The following MSI2 variants were observed in gnomAD, a reference collection of about 807,000 sequenced individuals.
MSI2 encodes the protein RNA-binding protein Musashi homolog 2.
In MSI2, 17 loss-of-function variants were observed where a neutral mutation model predicts 45.6. The ratio of observed to expected loss-of-function variants is 0.37; its 90% CI spans 0.26 to 0.56. The LOEUF (loss-of-function observed/expected upper bound fraction) is 0.56. Ranked by LOEUF, MSI2 falls within the 20% of genes least tolerant of loss-of-function variation. The probability of loss-of-function intolerance (pLI) is 0.77; values close to 1 mark genes in which losing one functional copy is unlikely to be tolerated. For missense variants in MSI2, 293 were observed against 444.2 expected (o/e 0.66, Z 3.06); for synonymous variants, 156 against 158.2 (o/e 0.99, Z 0.11).
intron 6 of MSI2, among the ~76,000 whole-genome samples, chr17:57,443,002 C>T (rs566021852): frequency 6.6e-6 from 1 of 152,314 alleles, no homozygotes; most frequent in African/African-American, 2.4e-5. Context: ...ACCTTCCCTG[C>T]TCTGAGGAAA....
At chr17:57,299,993 C>T (rs1408256621) in intron 5 of MSI2, among the ~76,000 whole-genome samples, 1 of 152,194 alleles carries the variant, frequency 6.6e-6, no homozygotes, top group Non-Finnish European at 1.5e-5. Flanking sequence ...CAGGGAGACC[C>T]TGGCTTCTGG....
intron 5 of MSI2, among the ~76,000 whole-genome samples, chr17:57,374,012 CTACT>C (rs2083457635): frequency 6.6e-6 from 1 of 152,156 alleles, no homozygotes; most frequent in African/African-American, 2.4e-5. Context: ...TTTACCATGT[CTACT>C]TAGTAAACAG....
At chr17:57,504,659 A>C (rs1377137133) in intron 6 of MSI2, among the ~76,000 whole-genome samples, 1 of 152,206 alleles carries the variant, frequency 6.6e-6, no homozygotes, top group Admixed American at 6.5e-5. Flanking sequence ...GGCTGGGCGC[A>C]GTGGCTCACG....
intron 6 of MSI2, among the ~76,000 whole-genome samples, chr17:57,452,731 A>G (rs934884182): frequency 3.9e-5 from 6 of 152,214 alleles, no homozygotes; most frequent in African/African-American, 9.7e-5. Flanking sequence ...TTTAATACCT[A>G]GAACATGCCA....
the MSI2 span, among the ~76,000 whole-genome samples, chr17:57,696,803 G>A: frequency 9.9e-5 from 15 of 152,094 alleles, no homozygotes; most frequent in Admixed American, 2.0e-4. Flanking sequence ...GGGGTAATAT[G>A]GATTTGAGTA....
At chr17:57,536,584 T>C (rs1352797713) in intron 7 of MSI2, among the ~76,000 whole-genome samples, 1 of 152,238 alleles carries the variant, frequency 6.6e-6, no homozygotes, top group Non-Finnish European at 1.5e-5. Context: ...TTTTCACTAA[T>C]TGTTGATGGT....
chr17:57,506,883 C>A (rs968234605), intron 6 of MSI2, among the ~76,000 whole-genome samples: 4 of 152,138 alleles, frequency 2.6e-5, no homozygotes, highest in Admixed American at 2.0e-4. Context: ...CTAGGAAATG[C>A]CTGGAAATGG....
At chr17:57,666,537 C>G (rs560900126) in intron 11 of MSI2, among the ~76,000 whole-genome samples, 1 of 152,336 alleles carries the variant, frequency 6.6e-6, no homozygotes, top group East Asian at 1.9e-4. Flanking sequence ...TCAGGCCTAA[C>G]AGGGGCAGAG....
intron 2 of MSI2, 80 bp downstream of exon 2, chr17:57,257,218 C>A (rs1210719356): frequency 0.02 from 2,196 of 107,262 alleles, 14 homozygotes; most frequent in Middle Eastern, 0.071. Flanking sequence ...GTGTAGGAGC[C>A]CCCCCCCCCC....
chr17:57,451,356 A>C (rs938541629), intron 6 of MSI2, among the ~76,000 whole-genome samples: 3 of 152,222 alleles, frequency 2.0e-5, no homozygotes, highest in Non-Finnish European at 4.4e-5. Context: ...GAAATGCACA[A>C]TAGAGATCCT....
At chr17:57,604,662 T>A (rs1906323012) in intron 8 of MSI2, among the ~76,000 whole-genome samples, 1 of 152,206 alleles carries the variant, frequency 6.6e-6, no homozygotes, top group South Asian at 2.1e-4. Flanking sequence ...TTAGGCCTGC[T>A]ACCCTTCAGC....
chr17:57,577,044 C>T (rs1214878923), intron 7 of MSI2, among the ~76,000 whole-genome samples: 2 of 152,032 alleles, frequency 1.3e-5, no homozygotes, highest in African/African-American at 4.8e-5. Context: ...CAGAGGAGGT[C>T]GTCTGATGGG....
intron 6 of MSI2, among the ~76,000 whole-genome samples, chr17:57,504,874 T>G (rs1421482249): frequency 6.9e-6 from 1 of 145,168 alleles, no homozygotes; most frequent in East Asian, 2.0e-4. Context: ...GAGGTTGTGG[T>G]GAGCCGAGAT....
At chr17:57,426,727 G>A (rs143218948) in intron 6 of MSI2, among the ~76,000 whole-genome samples, 172 of 152,288 alleles carry the variant, frequency 1.1e-3, no homozygotes, top group African/African-American at 4.0e-3. Flanking sequence ...ACAGGCCTGG[G>A]GCACAGGCCT....
chr17:57,335,710 T>A (rs1914645217), intron 5 of MSI2, among the ~76,000 whole-genome samples: 1 of 152,140 alleles, frequency 6.6e-6, no homozygotes, highest in African/African-American at 2.4e-5. Flanking sequence ...AGTAAAGGCA[T>A]GGAGACTGAA....
At chr17:57,377,087 A>AT (rs1207206210) in intron 5 of MSI2, among the ~76,000 whole-genome samples, 6 of 151,952 alleles carry the variant, frequency 3.9e-5, no homozygotes, top group African/African-American at 7.3e-5. Context: ...CGCCCAGCTA[A>AT]TTTTTTGTAT....
intron 6 of MSI2, among the ~76,000 whole-genome samples, chr17:57,447,431 T>G (rs2086392452): frequency 6.6e-6 from 1 of 152,164 alleles, no homozygotes; most frequent in African/African-American, 2.4e-5. Flanking sequence ...ATCACGCTTC[T>G]CTGGAAGGGC....
chr17:57,299,009 A>G (rs1287012052), intron 5 of MSI2, among the ~76,000 whole-genome samples: 1 of 152,260 alleles, frequency 6.6e-6, no homozygotes, highest in Non-Finnish European at 1.5e-5. Context: ...TGTAGCTTCT[A>G]CATCAGCACT....
chr17:57,588,675 A>G lies in MSI2; in HGVS notation c.455-8193A>G, dbSNP rs562018993. Reference sequence around the variant, plus strand: ...AGCCAACATAGAGCTGGAGTGGATGACCATATCTTTCCCCACTCTCTCCTT... The same window carrying G: ...AGCCAACATAGAGCTGGAGTGGATGGCCATATCTTTCCCCACTCTCTCCTT... On this transcript the variant is annotated intron_variant, in intron 7 of 13. Coordinates refer to ENST00000284073, the MANE Select transcript of MSI2 (RefSeq NM_138962.4). Among the ~76,000 whole-genome samples, 4 of 152,318 alleles carry G rather than the reference A, an allele frequency of 2.6e-5. No individual in the cohort carries two copies. In the East Asian group the frequency reaches 5.8e-4, roughly 22 times the overall value.
Sources: allele counts gnomAD v4.1 joint callset (sites outside exome capture counted in the v4.1 genomes callset), GRCh38; gene constraint gnomAD v4.1.1; transcripts MANE v1.5; gene names NCBI Gene and HGNC (gene_info 2026-07-23, HGNC 2026-07-21).